Variants in FHIP2A observed in about 807,000 individuals in gnomAD.
FHIP2A encodes family with sequence similarity 160 member B1.
FHIP2A carries 46 observed loss-of-function variants against 93.5 expected under a neutral mutation model. The ratio of observed to expected loss-of-function variants is 0.49; its 90% CI spans 0.39 to 0.63. The LOEUF (loss-of-function observed/expected upper bound fraction) is 0.63. Ranked by LOEUF, FHIP2A falls within the 20% of genes least tolerant of loss-of-function variation. FHIP2A has a pLI of 0.00. For missense variants in FHIP2A, 769 were observed against 909.7 expected (o/e 0.85, Z 1.99); for synonymous variants, 332 against 326.5 (o/e 1.02, Z -0.18).
downstream of FHIP2A, among the ~76,000 whole-genome samples, chr10:114,865,827 T>A (rs928838446): frequency 6.6e-6 from 1 of 150,906 alleles, no homozygotes; most frequent in Non-Finnish European, 1.5e-5. Flanking sequence ...AAAATAGATA[T>A]AAGCAAGCAG....
chr10:114,823,351 A>G (rs1417823794), intron 1 of FHIP2A, among the ~76,000 whole-genome samples: 1 of 152,228 alleles, frequency 6.6e-6, no homozygotes, highest in African/African-American at 2.4e-5. Flanking sequence ...GGGAAATGAC[A>G]GTGGTAGACT....
chr10:114,845,976 T>C (rs1177197386), intron 8 of FHIP2A, 37 bp from the exon 9 acceptor site: 1 of 1,487,640 alleles, frequency 6.7e-7, no homozygotes, highest in East Asian at 2.3e-5. Flanking sequence ...CTTTCTTTTA[T>C]ATTAAAAAAA....
intron 16 of FHIP2A, among the ~76,000 whole-genome samples, chr10:114,885,882 G>A (rs1288349343): frequency 1.3e-5 from 2 of 152,180 alleles, no homozygotes; most frequent in African/African-American, 4.8e-5. Flanking sequence ...GGTGAGTTAG[G>A]AGTGTCAGGG....
intron 10 of FHIP2A, 89 bp downstream of exon 10, chr10:114,846,456 C>T (rs1566372078): frequency 3.5e-6 from 5 of 1,431,354 alleles, no homozygotes; most frequent in African/African-American, 1.4e-5. Flanking sequence ...AATACAACCT[C>T]TTTTATTGGC....
At chr10:114,894,794 CA>C (rs68019338) in intron 16 of FHIP2A, among the ~76,000 whole-genome samples, 44,470 of 151,696 alleles carry the variant, frequency 0.29, 7,572 homozygotes, top group Middle Eastern at 0.43. Context: ...TAAAATACAA[CA>C]AAAAAACTGG....
In FHIP2A at chr10:114,830,923, G is replaced by A. The variant is rs756130020; in HGVS notation, c.117G>A (p.Glu39=). 1.9e-6 allele frequency: 3 copies of A among 1,589,436 alleles called. No individual in the cohort carries two copies. In the East Asian group the frequency reaches 6.8e-5, roughly 36 times the overall value. ...HWKAITHYYI[E]TSDDKAPVTD... ...AGGCAATTACCCATTACTACATAGAGACTTCAGGTAAGGAACAATGCTGAT... is the reference window on the plus strand; with the variant it reads ...AGGCAATTACCCATTACTACATAGAAACTTCAGGTAAGGAACAATGCTGAT... The change falls in exon 2 of 17, where the codon GAG becomes GAA. Residue 39 remains glutamate (E), a synonymous_variant. Coordinates refer to ENST00000369248, the MANE Select transcript of FHIP2A (RefSeq NM_020940.4).
At chr10:114,884,635 G>T (rs1419832364) in intron 16 of FHIP2A, among the ~76,000 whole-genome samples, 1 of 152,120 alleles carries the variant, frequency 6.6e-6, no homozygotes, top group Non-Finnish European at 1.5e-5. Context: ...CAATATGGCC[G>T]GGCGCGGTGG....
Position 114,848,677 on chromosome 10 carries a change from A to G in FHIP2A, c.1743A>G (p.Lys581=), listed in dbSNP as rs950860141. 1 of 1,613,310 alleles carries G rather than the reference A, an allele frequency of 6.2e-7. No individual in the cohort carries two copies. The highest frequency in any genetic ancestry group is 2.2e-5 in the East Asian group (1 of 44,834). The change falls in exon 13 of 17, where the codon AAA becomes AAG. Residue 581 remains lysine (K), a synonymous_variant. Transcript: ENST00000369248. ...SFLCLVPDDA[K]SSYHVEGTGY... ...TCTGTCTGGTACCGGATGACGCAAA[A>G]TCCTCCTACCATGTTGAGGGCACAG...
At chr10:114,880,845 G>C (rs942767925) in intron 16 of FHIP2A, among the ~76,000 whole-genome samples, 1 of 152,164 alleles carries the variant, frequency 6.6e-6, no homozygotes, top group African/African-American at 2.4e-5. Flanking sequence ...ACAAGGCTTC[G>C]CTTCAGAGAT....
At chr10:114,827,666 A>G (rs981515205) in intron 1 of FHIP2A, among the ~76,000 whole-genome samples, 1 of 152,006 alleles carries the variant, frequency 6.6e-6, no homozygotes, top group South Asian at 2.1e-4. Flanking sequence ...GCGTGGTAGC[A>G]GGCGCCTGTA....
At chr10:114,844,118 A>G (rs2083686197) in intron 7 of FHIP2A, among the ~76,000 whole-genome samples, 181 bp downstream of exon 7, 1 of 152,218 alleles carries the variant, frequency 6.6e-6, no homozygotes, top group South Asian at 2.1e-4. Context: ...TGTGGGAACA[A>G]TCCAGCTGTT....
At chr10:114,861,024 AACT>A (rs1174747599) in intron 15 of FHIP2A, 135 bp downstream of exon 15, 2 of 1,034,274 alleles carry the variant, frequency 1.9e-6, no homozygotes, top group South Asian at 3.4e-5. Flanking sequence ...ATACATTCTG[AACT>A]ACTATTTTTT....
At chr10:114,880,637 G>A (rs768604693) in intron 16 of FHIP2A, among the ~76,000 whole-genome samples, 21 of 151,150 alleles carry the variant, frequency 1.4e-4, no homozygotes, top group Non-Finnish European at 2.6e-4. Context: ...CCGAGATCAC[G>A]CCACTGCACT....
chr10:114,853,271 G>A (rs2083747231), intron 13 of FHIP2A, among the ~76,000 whole-genome samples: 1 of 152,102 alleles, frequency 6.6e-6, no homozygotes, highest in Admixed American at 6.5e-5. Flanking sequence ...AAATTTGAAA[G>A]AGAATTTTAA....
chr10:114,876,662 G>A (rs531688681), intron 16 of FHIP2A, among the ~76,000 whole-genome samples: 18 of 152,254 alleles, frequency 1.2e-4, no homozygotes, highest in African/African-American at 4.3e-4. Context: ...TTCTGGACAA[G>A]CTTCCCAGGG....
intron 1 of FHIP2A, among the ~76,000 whole-genome samples, chr10:114,825,976 T>A (rs1322363458): frequency 1.3e-5 from 2 of 152,228 alleles, no homozygotes; most frequent in African/African-American, 4.8e-5. Context: ...ATGTTTTCTT[T>A]TCAAATTATA....
rs1400538185 is a variant in FHIP2A at position 114,861,243 on chromosome 10, C to G, written c.2101C>G (p.Leu701Val). ...FSVIVRVVGD[L>V]MLRIQRIQDF... ...CTCTGTGATGCAGGTTGTTGGAGAC[C>G]TTATGCTTCGAATCCAGCGTATTCA... is the stretch of plus-strand genomic sequence containing the variant. The change falls in exon 16 of 17, where the codon CTT becomes GTT. Residue 701 changes from leucine (L) to valine (V), a missense_variant. Transcript: ENST00000369248. 6.2e-7 allele frequency: 1 copy of G among 1,614,062 alleles called. No homozygotes were observed. The highest frequency in any genetic ancestry group is 8.5e-7 in the Non-Finnish European group (1 of 1,180,006).
At chr10:114,852,245 T>C (rs763914560) in intron 13 of FHIP2A, among the ~76,000 whole-genome samples, 2 of 152,188 alleles carry the variant, frequency 1.3e-5, no homozygotes, top group African/African-American at 2.4e-5. Context: ...CTCTTTTCTA[T>C]CTTCATTCCT....
At chr10:114,878,364 G>T (rs2083899369) in intron 16 of FHIP2A, among the ~76,000 whole-genome samples, 1 of 152,166 alleles carries the variant, frequency 6.6e-6, no homozygotes, top group African/African-American at 2.4e-5. Flanking sequence ...TCCTCACCTA[G>T]TCCAACCAAC....
Sources: gnomAD v4.1 joint callset for allele counts (sites outside exome capture counted in the v4.1 genomes callset) on GRCh38, gnomAD v4.1.1 for gene constraint, MANE v1.5 for transcripts, NCBI Gene and HGNC (gene_info 2026-07-23, HGNC 2026-07-21) for gene names.